The following CNTLN variants were observed in gnomAD, a reference collection of about 807,000 sequenced individuals.
CNTLN encodes the protein centlein.
CNTLN carries 212 observed loss-of-function variants against 180.0 expected under a neutral mutation model. The observed-to-expected ratio is 1.18, with a 90% CI of 1.05 to 1.32. CNTLN has a LOEUF of 1.32. Among genes scored for constraint, CNTLN ranks in the 40% most tolerant of loss-of-function variants. The pLI is 0.00. For synonymous variants in CNTLN, 722 were observed against 563.1 expected, an observed-to-expected ratio of 1.28 and a Z score of -3.99; for missense variants, 2,095 against 1,610.9, an observed-to-expected ratio of 1.30 and a Z score of -5.14.
At chr9:17,207,959 A>G (rs1465614378) in intron 2 of CNTLN, among the ~76,000 whole-genome samples, 2 of 151,950 alleles carry the variant, frequency 1.3e-5, no homozygotes, top group African/African-American at 2.4e-5. Context: ...TCTTTATTTC[A>G]TTCTCTTGTC....
chr9:17,366,599 T>C lies in CNTLN; in HGVS notation c.1887-18T>C, dbSNP rs1424212842. The stretch of plus-strand genomic sequence containing the variant: ...AAAACAATATGGTTTTAAGTAAATG[T>C]TTATTGCTTTTTCATAGGATGAATC... On this transcript the variant is annotated intron_variant, in intron 12 of 25. Coordinates refer to ENST00000380647, the MANE Select transcript of CNTLN (RefSeq NM_017738.4). The C allele has an allele frequency of 1.6e-6, 2 of 1,252,950 alleles. No homozygotes were observed. The highest frequency in any genetic ancestry group is 1.8e-5 in the Admixed American group (1 of 54,666). The allele number at this position is 1,252,950 out of a possible 1,614,324, so 77.6% of individuals were successfully genotyped here.
intron 2 of CNTLN, among the ~76,000 whole-genome samples, chr9:17,152,901 C>T (rs1348643272): frequency 6.6e-6 from 1 of 152,170 alleles, no homozygotes; most frequent in Non-Finnish European, 1.5e-5. Context: ...GATCCCTTTA[C>T]CATCATGTAA....
chr9:17,186,455 C>CT (rs1437753558), intron 2 of CNTLN, among the ~76,000 whole-genome samples: 1 of 152,152 alleles, frequency 6.6e-6, no homozygotes, highest in Non-Finnish European at 1.5e-5. Flanking sequence ...TTTGTTAACT[C>CT]TAAGGTTATC....
intron 5 of CNTLN, among the ~76,000 whole-genome samples, chr9:17,250,401 T>G (rs1826066355): frequency 6.6e-6 from 1 of 152,040 alleles, no homozygotes; most frequent in African/African-American, 2.4e-5. Flanking sequence ...CTTCTGCCAT[T>G]TTTTCTTTTT....
intron 15 of CNTLN, among the ~76,000 whole-genome samples, chr9:17,404,887 G>A (rs1471034828): frequency 2.6e-5 from 4 of 151,404 alleles, no homozygotes; most frequent in Non-Finnish European, 5.9e-5. Context: ...ACAGGTGTAC[G>A]CCACCACCCC....
intron 12 of CNTLN, among the ~76,000 whole-genome samples, chr9:17,359,664 G>A (rs7864270): frequency 0.53 from 74,403 of 141,688 alleles, 20,709 homozygotes; most frequent in East Asian, 0.73. Context: ...GGTGGATCAC[G>A]AGGTCCGGAG....
intron 2 of CNTLN, among the ~76,000 whole-genome samples, chr9:17,175,009 G>C (rs1341692179): frequency 2.0e-5 from 3 of 152,106 alleles, no homozygotes; most frequent in South Asian, 4.1e-4. Flanking sequence ...TTACTGTTGA[G>C]TTTTCAAAGT....
the CNTLN span, among the ~76,000 whole-genome samples, chr9:17,518,479 T>A: frequency 6.6e-6 from 1 of 152,182 alleles, no homozygotes; most frequent in Non-Finnish European, 1.5e-5. Flanking sequence ...AATTTTTACC[T>A]CCTGGCAGAG....
intron 1 of CNTLN, among the ~76,000 whole-genome samples, chr9:17,142,647 C>T (rs1210868587): frequency 6.6e-6 from 1 of 152,112 alleles, no homozygotes. Flanking sequence ...CAGTGGTTCT[C>T]AACCCAGAGT....
At chr9:17,383,991 C>A (rs1450573267) in intron 13 of CNTLN, among the ~76,000 whole-genome samples, 1 of 152,096 alleles carries the variant, frequency 6.6e-6, no homozygotes, top group Non-Finnish European at 1.5e-5. Context: ...TTAAACTTCA[C>A]AAAGCTAATT....
intron 2 of CNTLN, among the ~76,000 whole-genome samples, chr9:17,208,349 A>G (rs1823064433): frequency 6.6e-6 from 1 of 151,850 alleles, no homozygotes; most frequent in African/African-American, 2.4e-5. Flanking sequence ...GACCTTTTTC[A>G]TGTGTTGTTG....
chr9:17,316,640 G>T (rs532375811), intron 8 of CNTLN, among the ~76,000 whole-genome samples: 1 of 152,072 alleles, frequency 6.6e-6, no homozygotes, highest in Non-Finnish European at 1.5e-5. Flanking sequence ...TAAGTCAAGG[G>T]CTGTCTGTAT....
intron 2 of CNTLN, among the ~76,000 whole-genome samples, chr9:17,149,494 T>A (rs1268812961): frequency 2.0e-5 from 3 of 151,516 alleles, no homozygotes; most frequent in Non-Finnish European, 4.4e-5. Context: ...TTCCTGACTT[T>A]TTTTATTTTC....
chr9:17,212,290 T>G (rs1446526745), intron 2 of CNTLN, among the ~76,000 whole-genome samples: 4 of 152,240 alleles, frequency 2.6e-5, no homozygotes, highest in Non-Finnish European at 5.9e-5. Flanking sequence ...GTCAAAGGCC[T>G]TTTCTGCATC....
At chr9:17,263,018 T>C (rs1827122723) in intron 5 of CNTLN, among the ~76,000 whole-genome samples, 1 of 151,426 alleles carries the variant, frequency 6.6e-6, no homozygotes, top group South Asian at 2.1e-4. Context: ...AAATCTAATT[T>C]ATCTAAAGGT....
At chr9:17,447,195 T>G (rs1830491209) in intron 18 of CNTLN, 1 of 217,686 alleles carries the variant, frequency 4.6e-6, no homozygotes. Flanking sequence ...CATATCCTGT[T>G]GCCTGTCTGC....
At chr9:17,241,645 A>G (rs568070273) in intron 5 of CNTLN, among the ~76,000 whole-genome samples, 8 of 152,098 alleles carry the variant, frequency 5.3e-5, no homozygotes, top group Admixed American at 5.2e-4. Flanking sequence ...TTTGGGCAGT[A>G]TGGACATCTT....
chr9:17,426,895 T>G (rs1829119828), intron 18 of CNTLN, among the ~76,000 whole-genome samples: 2 of 151,992 alleles, frequency 1.3e-5, no homozygotes, highest in African/African-American at 4.8e-5. Flanking sequence ...TTCAGGGTAG[T>G]AAGATTCCTG....
intron 13 of CNTLN, among the ~76,000 whole-genome samples, chr9:17,382,226 T>C (rs1447166276): frequency 2.6e-5 from 4 of 152,184 alleles, no homozygotes; most frequent in African/African-American, 9.7e-5. Context: ...ATTGTCCTTA[T>C]TAAATATTAA....
Sources: gnomAD v4.1 joint callset for allele counts (sites outside exome capture counted in the v4.1 genomes callset) on GRCh38, gnomAD v4.1.1 for gene constraint, MANE v1.5 for transcripts, NCBI Gene and HGNC (gene_info 2026-07-23, HGNC 2026-07-21) for gene names.